Variants in FCHSD2 observed in about 807,000 individuals in gnomAD.
FCHSD2 encodes the protein F-BAR and double SH3 domains protein 2.
In FCHSD2, 38 loss-of-function variants were observed where a neutral mutation model predicts 108.1. The ratio of observed to expected loss-of-function variants is 0.35; its 90% CI spans 0.27 to 0.46. FCHSD2 has a LOEUF of 0.46. Ranked by LOEUF, FCHSD2 falls within the 20% of genes least tolerant of loss-of-function variation. The pLI is 1.00. For missense variants in FCHSD2, 751 were observed against 897.8 expected (o/e 0.84, Z 2.09); for synonymous variants, 279 against 314.7 (o/e 0.89, Z 1.20).
At chr11:73,002,308 T>G (rs1392586712) in intron 4 of FCHSD2, among the ~76,000 whole-genome samples, 1 of 152,212 alleles carries the variant, frequency 6.6e-6, no homozygotes, top group East Asian at 1.9e-4. Context: ...TAGATGGAAA[T>G]AGTCATTATT....
intron 13 of FCHSD2, among the ~76,000 whole-genome samples, chr11:72,859,711 A>G (rs1390488867): frequency 1.3e-5 from 2 of 152,196 alleles, no homozygotes; most frequent in Non-Finnish European, 2.9e-5. Context: ...GGTCCTCCTC[A>G]AGACTTTGGC....
intron 2 of FCHSD2, among the ~76,000 whole-genome samples, chr11:73,090,114 T>C (rs1362347538): frequency 1.3e-5 from 2 of 151,692 alleles, no homozygotes; most frequent in Admixed American, 6.6e-5. Context: ...GATAACTTGA[T>C]AGGAAGATCT....
rs1163753039 is a variant in FCHSD2, at chr11:73,004,094, G to A, written c.243-2960C>T. On this transcript the variant is annotated intron_variant, in intron 4 of 19. Coordinates refer to ENST00000409418, the MANE Select transcript of FCHSD2 (RefSeq NM_014824.3). Reference sequence around the variant, plus strand: ...ACTGCACTCCGGCCTGGGCAAGAGAGTAAGACTCCAACTCCAAAAAAAAAA... The same window carrying A: ...ACTGCACTCCGGCCTGGGCAAGAGAATAAGACTCCAACTCCAAAAAAAAAA... Among the ~76,000 whole-genome samples the A allele has an allele frequency of 3.0e-5, 3 of 101,118 alleles. No individual in the cohort carries two copies. The East Asian group carries it at 9.7e-4, about 33-fold the overall frequency. The allele number at this position is 101,118 out of a possible 152,430, so 66.3% of individuals were successfully genotyped here. A position where few individuals can be genotyped will look rare whatever the true frequency, so the allele number is the denominator to read the frequency against.
At chr11:72,946,519 C>T (rs940619628) in intron 8 of FCHSD2, among the ~76,000 whole-genome samples, 2 of 152,090 alleles carry the variant, frequency 1.3e-5, no homozygotes, top group Non-Finnish European at 2.9e-5. Context: ...ACGTTGTGCA[C>T]ACGTACCCTA....
chr11:73,122,122 C>A (rs1860747670), intron 2 of FCHSD2, among the ~76,000 whole-genome samples: 1 of 151,980 alleles, frequency 6.6e-6, no homozygotes, highest in South Asian at 2.1e-4. Flanking sequence ...GGGGTTTTCT[C>A]CTTTAGGTTT....
At chr11:73,036,533 TG>T (rs1456912900) in intron 3 of FCHSD2, among the ~76,000 whole-genome samples, 1 of 152,162 alleles carries the variant, frequency 6.6e-6, no homozygotes. Context: ...AATTTAATGA[TG>T]AGTACAATGA....
chr11:73,124,413 A>G (rs1487754193), intron 2 of FCHSD2, among the ~76,000 whole-genome samples: 1 of 152,128 alleles, frequency 6.6e-6, no homozygotes, highest in Non-Finnish European at 1.5e-5. Context: ...GTATAATAAT[A>G]ATAATTTTAA....
intron 8 of FCHSD2, among the ~76,000 whole-genome samples, chr11:72,958,993 ATGTG>A (rs59339008): frequency 0.019 from 2,193 of 114,746 alleles, 52 homozygotes; most frequent in African/African-American, 0.061. Flanking sequence ...TCAGTAAGAT[ATGTG>A]TGTGTGTGTG....
chr11:72,880,700 G>A (rs1261483657), intron 12 of FCHSD2, among the ~76,000 whole-genome samples: 1 of 151,776 alleles, frequency 6.6e-6, no homozygotes, highest in Non-Finnish European at 1.5e-5. Context: ...TGGATCCCTT[G>A]AGCCCAGGAG....
At chr11:72,843,074 T>C (rs1591331470) in intron 16 of FCHSD2, 77 bp downstream of exon 16, 1 of 1,399,374 alleles carries the variant, frequency 7.1e-7, no homozygotes, top group Admixed American at 1.9e-5. Context: ...CTTTTTATCC[T>C]ACTGAAGGCT....
intron 8 of FCHSD2, among the ~76,000 whole-genome samples, chr11:72,970,857 T>G (rs1028292690): frequency 6.6e-6 from 1 of 152,172 alleles, no homozygotes; most frequent in Non-Finnish European, 1.5e-5. Context: ...TGCCCTCATA[T>G]TTGCCTTTGG....
chr11:72,896,764 TAAAAAAA>T (rs58159831), intron 10 of FCHSD2, among the ~76,000 whole-genome samples: 48 of 68,408 alleles, frequency 7.0e-4, no homozygotes, highest in African/African-American at 2.3e-3. Flanking sequence ...GGGAAAATAC[TAAAAAAA>T]AAAAAAAAAA....
intron 3 of FCHSD2, among the ~76,000 whole-genome samples, chr11:73,082,946 G>A (rs988549488): frequency 1.3e-5 from 2 of 151,952 alleles, no homozygotes; most frequent in African/African-American, 4.8e-5. Flanking sequence ...TCCACTAAAG[G>A]TCTAAGTAAA....
At chr11:72,991,022 A>C (rs946127172) in intron 5 of FCHSD2, among the ~76,000 whole-genome samples, 5 of 152,230 alleles carry the variant, frequency 3.3e-5, no homozygotes, top group African/African-American at 1.2e-4. Flanking sequence ...AAAAATGATA[A>C]AGGGGATATC....
At position 73,035,226 on chromosome 11, in the gene FCHSD2, T is replaced by G. The variant is rs1275737221; in HGVS notation, c.166-19341A>C. ...TGTACGTACTAAGACAAGGTCTCGC[T>G]CTGTCACCCAGGTTGGAGCGCAGTG... On this transcript the variant is annotated intron_variant, in intron 3 of 19. Transcript: ENST00000409418. Among the ~76,000 whole-genome samples, 4 of 152,134 alleles carry G rather than the reference T, an allele frequency of 2.6e-5. No homozygotes were observed. In the East Asian group the frequency reaches 7.7e-4, roughly 29 times the overall value.
At chr11:73,110,910 T>G (rs1340739284) in intron 2 of FCHSD2, among the ~76,000 whole-genome samples, 1 of 152,222 alleles carries the variant, frequency 6.6e-6, no homozygotes, top group African/African-American at 2.4e-5. Context: ...AATTTCCTCC[T>G]TAATTTCTTC....
intron 2 of FCHSD2, among the ~76,000 whole-genome samples, chr11:73,139,284 A>T (rs1424318804): frequency 1.3e-5 from 2 of 152,256 alleles, no homozygotes; most frequent in East Asian, 3.8e-4. Context: ...TTCCAATTTG[A>T]TAAATGTATT....
At chr11:72,982,339 C>A (rs1246644019) in intron 8 of FCHSD2, among the ~76,000 whole-genome samples, 1 of 152,200 alleles carries the variant, frequency 6.6e-6, no homozygotes, top group African/African-American at 2.4e-5. Flanking sequence ...AAAAAGAGCA[C>A]CTGCTCTGGC....
At chr11:72,856,156 G>A (rs926625152) in intron 13 of FCHSD2, among the ~76,000 whole-genome samples, 1 of 152,138 alleles carries the variant, frequency 6.6e-6, no homozygotes, top group Non-Finnish European at 1.5e-5. Context: ...AGAAAACTAC[G>A]CTAGCCTCTT....
Sources: gnomAD v4.1 joint callset for allele counts (sites outside exome capture counted in the v4.1 genomes callset) on GRCh38, gnomAD v4.1.1 for gene constraint, MANE v1.5 for transcripts, NCBI Gene and HGNC (gene_info 2026-07-23, HGNC 2026-07-21) for gene names.